Variants in UXS1 observed in about 807,000 individuals in gnomAD.
UXS1 encodes the protein UDP-glucuronate decarboxylase 1, also known as UDP-glucuronic acid decarboxylase 1.
Under a neutral mutation model 62.6 loss-of-function variants are expected in UXS1, and 33 were observed. That is an observed-to-expected ratio of 0.53 (90% CI 0.40 to 0.70). The LOEUF is 0.70. Ranked by LOEUF, UXS1 falls within the 30% of genes least tolerant of loss-of-function variation. UXS1 has a pLI of 0.00. For synonymous variants in UXS1, 213 were observed against 206.8 expected, an observed-to-expected ratio of 1.03 and a Z score of -0.26; for missense variants, 434 against 556.3, an observed-to-expected ratio of 0.78 and a Z score of 2.21.
intron 6 of UXS1, among the ~76,000 whole-genome samples, chr2:106,142,921 G>GTA (rs894007952): frequency 9.6e-6 from 1 of 103,976 alleles, no homozygotes; most frequent in East Asian, 2.8e-4. Context: ...GTGTTTGCAT[G>GTA]TATGTGTGTG....
At chr2:106,142,159 A>C (rs1364255605) in intron 6 of UXS1, among the ~76,000 whole-genome samples, 1 of 152,180 alleles carries the variant, frequency 6.6e-6, no homozygotes, top group Non-Finnish European at 1.5e-5. Context: ...GGTGTGAGCC[A>C]CCATGCCCAG....
chr2:106,155,281 TA>T (rs1682345528), intron 5 of UXS1, among the ~76,000 whole-genome samples: 2 of 151,982 alleles, frequency 1.3e-5, no homozygotes. Context: ...CGACCAAAAA[TA>T]AGATATCCCT....
In UXS1 at chr2:106,194,286, G is replaced by C. The variant is rs775503185; in HGVS notation, c.-45C>G. On this transcript the variant is annotated 5_prime_UTR_variant, in exon 1 of 15. Coordinates refer to ENST00000283148, the MANE Select transcript of UXS1 (RefSeq NM_001253875.2). ...CCAGGGCCCTACCGCGCGGGGGCCC[G>C]CCTGCTGCACAATGCGCGGCGGCGG... 8.5e-7 allele frequency: 1 copy of C among 1,174,370 alleles called. No individual in the cohort carries two copies. The highest frequency in any genetic ancestry group is 1.1e-6 in the Non-Finnish European group (1 of 928,090). 72.7% of individuals were successfully genotyped at this position (1,174,370 alleles called of 1,614,324 possible). A position where few individuals can be genotyped will look rare whatever the true frequency, so the allele number is the denominator to read the frequency against.
At chr2:106,162,542 G>GA (rs935552950) in intron 4 of UXS1, among the ~76,000 whole-genome samples, 4 of 151,006 alleles carry the variant, frequency 2.6e-5, no homozygotes, top group Non-Finnish European at 4.4e-5. Flanking sequence ...TTTCTAAAAA[G>GA]AAAAAAAAAG....
At chr2:106,176,368 A>C (rs984089005) in intron 1 of UXS1, among the ~76,000 whole-genome samples, 14 of 152,276 alleles carry the variant, frequency 9.2e-5, no homozygotes, top group African/African-American at 3.1e-4. Context: ...AATATGCATC[A>C]TTCTTCTAAG....
intron 5 of UXS1, among the ~76,000 whole-genome samples, chr2:106,145,650 C>T (rs952730789): frequency 2.0e-5 from 3 of 152,150 alleles, no homozygotes; most frequent in African/African-American, 7.2e-5. Flanking sequence ...AATGTCTTTG[C>T]TGACTGAGAA....
chr2:106,194,086 C>A, intron 1 of UXS1, 62 bp downstream of exon 1: 1 of 1,350,172 alleles, frequency 7.4e-7, no homozygotes, highest in Non-Finnish European at 9.7e-7. Flanking sequence ...CACCGCCGCC[C>A]GGCCCACCGC....
rs1293059270 is a variant in UXS1, at chr2:106,194,287, C to G, written c.-46G>C. On this transcript the variant is annotated 5_prime_UTR_variant, in exon 1 of 15. Coordinates refer to ENST00000283148, the MANE Select transcript of UXS1 (RefSeq NM_001253875.2). Reference sequence around the variant, plus strand: ...CAGGGCCCTACCGCGCGGGGGCCCGCCTGCTGCACAATGCGCGGCGGCGGC... The same window carrying G: ...CAGGGCCCTACCGCGCGGGGGCCCGGCTGCTGCACAATGCGCGGCGGCGGC... 2 of 1,132,424 alleles carry G rather than the reference C, an allele frequency of 1.8e-6. No individual in the cohort carries two copies. The highest frequency in any genetic ancestry group is 3.4e-5 in the South Asian group (1 of 29,540). The allele number at this position is 1,132,424 out of a possible 1,614,324, so 70.1% of individuals were successfully genotyped here. A position where few individuals can be genotyped will look rare whatever the true frequency, so the allele number is the denominator to read the frequency against.
chr2:106,119,329 C>A (rs1679329799), intron 9 of UXS1, among the ~76,000 whole-genome samples: 2 of 152,138 alleles, frequency 1.3e-5, no homozygotes, highest in African/African-American at 4.8e-5. Flanking sequence ...GAGGAGCAGG[C>A]CCCACAGGTA....
intron 7 of UXS1, among the ~76,000 whole-genome samples, chr2:106,126,729 T>C (rs1161880165): frequency 6.6e-6 from 1 of 152,162 alleles, no homozygotes; most frequent in Non-Finnish European, 1.5e-5. Context: ...TTATGTATCT[T>C]TTACCCAGAT....
intron 5 of UXS1, 142 bp downstream of exon 5, chr2:106,157,916 T>C: frequency 2.8e-6 from 2 of 716,074 alleles, no homozygotes; most frequent in South Asian, 3.9e-5. Flanking sequence ...GGAATCAGAA[T>C]GCGGTGCTAA....
chr2:106,143,219 TA>T (rs1275232385), intron 6 of UXS1, among the ~76,000 whole-genome samples: 2 of 151,330 alleles, frequency 1.3e-5, no homozygotes, highest in Non-Finnish European at 2.9e-5. Context: ...CCATCCTGGC[TA>T]ACAGGGTGAA....
At chr2:106,103,558 C>T (rs545154591) in intron 11 of UXS1, among the ~76,000 whole-genome samples, 2 of 152,364 alleles carry the variant, frequency 1.3e-5, no homozygotes, top group Non-Finnish European at 2.9e-5. Flanking sequence ...CCTCCAGGGA[C>T]ATAGTGCCTA....
rs545319138 is a variant in UXS1 at position 106,107,999 on chromosome 2, G to A, written c.880-3162C>T. Reference sequence around the variant, plus strand: ...TGGAAAGGCGTGGATCCCGTGGGACGCCCACTGCATACCCCCACAGACCTT... The same window carrying A: ...TGGAAAGGCGTGGATCCCGTGGGACACCCACTGCATACCCCCACAGACCTT... On this transcript the variant is annotated intron_variant, in intron 10 of 14. Coordinates refer to ENST00000283148, the MANE Select transcript of UXS1 (RefSeq NM_001253875.2). 5.3e-5 allele frequency among the ~76,000 whole-genome samples: 8 copies of A among 152,316 alleles called. 1 individual carries two copies. The highest frequency in any genetic ancestry group is 2.0e-4 in the Admixed American group (3 of 15,306).
chr2:106,128,713 C>T (rs1680181438), intron 7 of UXS1, among the ~76,000 whole-genome samples: 2 of 152,212 alleles, frequency 1.3e-5, no homozygotes, highest in South Asian at 4.1e-4. Context: ...CGTAACAAAT[C>T]TCTTTCTCTA....
intron 8 of UXS1, among the ~76,000 whole-genome samples, 152 bp downstream of exon 8, chr2:106,125,468 G>C (rs1429713242): frequency 6.6e-6 from 1 of 152,200 alleles, no homozygotes; most frequent in African/African-American, 2.4e-5. Context: ...GAGGAGCTTG[G>C]CGACCCGGGA....
intron 7 of UXS1, 22 bp from the exon 8 acceptor site, chr2:106,125,701 T>C (rs2104933471): frequency 6.4e-7 from 1 of 1,551,990 alleles, no homozygotes; most frequent in Non-Finnish European, 8.7e-7. Context: ...AATGACATGA[T>C]AAAAGAGACT....
intron 6 of UXS1, chr2:106,138,941 G>A (rs1433974470): frequency 1.7e-5 from 16 of 939,498 alleles, no homozygotes; most frequent in Middle Eastern, 5.5e-4. Context: ...TTCTGAAGGG[G>A]AGAGAAGAGG....
intron 5 of UXS1, among the ~76,000 whole-genome samples, chr2:106,156,171 T>C (rs1473120979): frequency 1.3e-5 from 2 of 152,036 alleles, no homozygotes; most frequent in Non-Finnish European, 2.9e-5. Context: ...TAAGAATATA[T>C]AAAGAACTTA....
Sources: allele counts gnomAD v4.1 joint callset (sites outside exome capture counted in the v4.1 genomes callset), GRCh38; gene constraint gnomAD v4.1.1; transcripts MANE v1.5; gene names NCBI Gene and HGNC (gene_info 2026-07-23, HGNC 2026-07-21).